The following GKAP1 variants were observed in gnomAD, a reference collection of about 807,000 sequenced individuals.
GKAP1 encodes G kinase anchoring protein 1.
A neutral mutation model predicts 56.7 loss-of-function variants in GKAP1; 31 were observed. The observed-to-expected ratio is 0.55, with a 90% CI of 0.41 to 0.74. The LOEUF is 0.74. GKAP1 is among the 30% of genes least tolerant of loss of function. The pLI is 0.00. For missense variants in GKAP1, 364 were observed against 402.3 expected (o/e 0.90, Z 0.82); for synonymous variants, 151 against 138.6 (o/e 1.09, Z -0.63).
intron 4 of GKAP1, among the ~76,000 whole-genome samples, chr9:83,798,066 C>T (rs2131310471): frequency 6.6e-6 from 1 of 152,280 alleles, no homozygotes; most frequent in East Asian, 1.9e-4. Context: ...ATAATTAATG[C>T]TCATAATCAT....
At chr9:83,766,356 C>T (rs1005706754) in intron 8 of GKAP1, among the ~76,000 whole-genome samples, 52 of 151,906 alleles carry the variant, frequency 3.4e-4, no homozygotes, top group African/African-American at 9.7e-4. Context: ...TGGACTAATA[C>T]GCTTGGATTG....
chr9:83,815,453 A>G (rs751748303), intron 2 of GKAP1, among the ~76,000 whole-genome samples: 1 of 151,618 alleles, frequency 6.6e-6, no homozygotes, highest in African/African-American at 2.4e-5. Flanking sequence ...CTTGGCCTCT[A>G]TCAAGGTTTG....
chr9:83,748,817 A>G (rs1393009838), intron 9 of GKAP1: 1 of 152,330 alleles, frequency 6.6e-6, no homozygotes, highest in Non-Finnish European at 1.5e-5. Context: ...CTGAAAGAAC[A>G]CTAGCAATGT....
chr9:83,753,380 C>G, intron 8 of GKAP1, 21 bp from the exon 9 acceptor site: 1 of 1,380,136 alleles, frequency 7.2e-7, no homozygotes, highest in Non-Finnish European at 1.0e-6. Flanking sequence ...AGAAACAACA[C>G]TTTAGGACTT....
intron 7 of GKAP1, among the ~76,000 whole-genome samples, chr9:83,771,166 G>A (rs1440626158): frequency 2.0e-5 from 3 of 151,976 alleles, no homozygotes; most frequent in Non-Finnish European, 2.9e-5. Context: ...AGGTTCAAGC[G>A]ATTCTTGTGC....
intron 2 of GKAP1, among the ~76,000 whole-genome samples, chr9:83,811,035 A>G (rs1445762422): frequency 2.0e-5 from 3 of 152,230 alleles, no homozygotes; most frequent in Non-Finnish European, 4.4e-5. Flanking sequence ...TAAAAATACC[A>G]CTTTATATAT....
chr9:83,802,467 G>C (rs529455405), intron 3 of GKAP1, among the ~76,000 whole-genome samples: 4 of 146,938 alleles, frequency 2.7e-5, no homozygotes, highest in Admixed American at 6.8e-5. Flanking sequence ...GGGCAACAGA[G>C]GAAGACTCCA....
At chr9:83,742,450 A>AGCTGTATTT (rs1413488880) in intron 11 of GKAP1, 80 bp downstream of exon 11, 2 of 829,904 alleles carry the variant, frequency 2.4e-6, no homozygotes, top group African/African-American at 3.4e-5. Flanking sequence ...AGTGTTGATG[A>AGCTGTATTT]GCTGTATTTG....
At chr9:83,802,838 A>T (rs941004209) in intron 3 of GKAP1, among the ~76,000 whole-genome samples, 29 of 152,036 alleles carry the variant, frequency 1.9e-4, no homozygotes, top group South Asian at 1.0e-3. Context: ...CTTTAAAAAA[A>T]AAAAATAAAA....
chr9:83,767,220 G>A (rs1009955276), intron 8 of GKAP1, among the ~76,000 whole-genome samples: 7 of 152,190 alleles, frequency 4.6e-5, no homozygotes, highest in African/African-American at 1.7e-4. Flanking sequence ...ACTGGGGTAT[G>A]AGGAGAGAAA....
intron 2 of GKAP1, among the ~76,000 whole-genome samples, chr9:83,813,656 C>T (rs547491848): frequency 9.2e-5 from 14 of 152,218 alleles, no homozygotes; most frequent in African/African-American, 1.9e-4. Flanking sequence ...TAAATTCACA[C>T]GATAATTTTA....
intron 4 of GKAP1, among the ~76,000 whole-genome samples, chr9:83,794,701 T>C (rs1046159878): frequency 6.6e-6 from 1 of 152,206 alleles, no homozygotes; most frequent in Non-Finnish European, 1.5e-5. Context: ...ACTTATTTTT[T>C]GAGTCATGAC....
chr9:83,813,284 A>T (rs557302621), intron 2 of GKAP1, among the ~76,000 whole-genome samples: 1 of 152,356 alleles, frequency 6.6e-6, no homozygotes, highest in South Asian at 2.1e-4. Context: ...TGCAAATGAA[A>T]ATACAATGGA....
chr9:83,791,766 G>A (rs1182847133), intron 4 of GKAP1, among the ~76,000 whole-genome samples: 2 of 151,896 alleles, frequency 1.3e-5, no homozygotes, highest in South Asian at 2.1e-4. Flanking sequence ...TGAACTACAG[G>A]AAATAGAATA....
At chr9:83,789,451 T>TG (rs1418724119) in intron 4 of GKAP1, among the ~76,000 whole-genome samples, 1 of 152,204 alleles carries the variant, frequency 6.6e-6, no homozygotes, top group African/African-American at 2.4e-5. Flanking sequence ...ATAAGATAGC[T>TG]GCAACATGAC....
intron 3 of GKAP1, among the ~76,000 whole-genome samples, chr9:83,804,003 G>A (rs1314379310): frequency 6.6e-6 from 1 of 150,924 alleles, no homozygotes; most frequent in Non-Finnish European, 1.5e-5. Context: ...GAAGTGAGGA[G>A]ACCCTCCGCC....
In GKAP1 at chr9:83,769,000, AT is replaced by A. The variant is rs113400340; in HGVS notation, c.586-31del. ...CAAAAATGAATTACGATTTACTATC[AT>A]TCAACATGCACTGATATGCATTTAA... On this transcript the variant is annotated intron_variant, in intron 7 of 12. Coordinates refer to ENST00000376371, the MANE Select transcript of GKAP1 (RefSeq NM_025211.4). 61 of 1,582,964 alleles carry A rather than the reference AT, an allele frequency of 3.9e-5. 3 individuals are homozygous for A. In the African/African-American group the frequency reaches 4.3e-4, roughly 11 times the overall value.
chr9:83,742,462 TAA>T lies in GKAP1; in HGVS notation c.975+66_975+67del, dbSNP rs568449613. On this transcript the variant is annotated intron_variant, in intron 11 of 12. Coordinates refer to ENST00000376371, the MANE Select transcript of GKAP1 (RefSeq NM_025211.4). ...TACAGTGTTGATGAGCTGTATTTGT[TAA>T]GTTTAATAATTCAAGACTAAAGACA... The T allele has an allele frequency of 9.2e-4, 909 of 988,428 alleles. 4 individuals are homozygous for T. The highest frequency in any genetic ancestry group is 1.7e-3 in the Middle Eastern group (7 of 4,090). 61.2% of individuals were successfully genotyped at this position (988,428 alleles called of 1,614,324 possible). A position where few individuals can be genotyped will look rare whatever the true frequency, so the allele number is the denominator to read the frequency against.
At chr9:83,776,991 T>G (rs1425304527) in intron 7 of GKAP1, among the ~76,000 whole-genome samples, 1 of 152,234 alleles carries the variant, frequency 6.6e-6, no homozygotes, top group Non-Finnish European at 1.5e-5. Context: ...ACTGGGTTTG[T>G]TCCCTGGTTC....
Sources: allele counts gnomAD v4.1 joint callset (sites outside exome capture counted in the v4.1 genomes callset), GRCh38; gene constraint gnomAD v4.1.1; transcripts MANE v1.5; gene names NCBI Gene and HGNC (gene_info 2026-07-23, HGNC 2026-07-21).